The following LRMDA variants were observed in gnomAD, a reference collection of about 807,000 sequenced individuals.
The protein encoded by LRMDA is leucine-rich melanocyte differentiation-associated protein.
Under a neutral mutation model 29.8 loss-of-function variants are expected in LRMDA, and 18 were observed. That is an observed-to-expected ratio of 0.60 (90% CI 0.42 to 0.90). LRMDA has a LOEUF of 0.90. LRMDA is among the 40% of genes least tolerant of loss of function. The pLI is 0.00. For missense variants in LRMDA, 273 were observed against 273.9 expected (o/e 1.00, Z 0.02); for synonymous variants, 125 against 109.4 (o/e 1.14, Z -0.89).
chr10:75,911,725 A>G (rs1289980775), intron 2 of LRMDA, among the ~76,000 whole-genome samples: 2 of 152,156 alleles, frequency 1.3e-5, no homozygotes, highest in Admixed American at 6.5e-5. Context: ...GTGGCTATCT[A>G]CTGTGTCAGA....
At position 76,251,560 on chromosome 10, in the gene LRMDA, G is replaced by C. The variant is rs118014000; in HGVS notation, c.517-72841G>C. 2.7e-3 allele frequency among the ~76,000 whole-genome samples: 412 copies of C among 152,266 alleles called. 19 individuals are homozygous for C. In the East Asian group the frequency reaches 0.062, roughly 23 times the overall value. On this transcript the variant is annotated intron_variant, in intron 5 of 6. Transcript: ENST00000611255. ...AGCCACCGCGCCCGGCCCTCCCGTC[G>C]CTTCTAAGTATCATGTGGACATTTA...
intron 2 of LRMDA, among the ~76,000 whole-genome samples, chr10:75,999,725 C>T (rs1847530037): frequency 6.6e-6 from 1 of 152,142 alleles, no homozygotes; most frequent in Non-Finnish European, 1.5e-5. Flanking sequence ...AAATGTACAT[C>T]AACTACCAAA....
chr10:76,534,259 A>G (rs1843268441), intron 6 of LRMDA, among the ~76,000 whole-genome samples: 1 of 152,198 alleles, frequency 6.6e-6, no homozygotes, highest in Non-Finnish European at 1.5e-5. Context: ...TTGGGGTACC[A>G]AGCTAGACTT....
intron 2 of LRMDA, among the ~76,000 whole-genome samples, chr10:75,956,629 A>G (rs1240777207): frequency 1.3e-5 from 2 of 152,132 alleles, no homozygotes; most frequent in Non-Finnish European, 2.9e-5. Flanking sequence ...TGAGGTCATC[A>G]TGGGGCCCAG....
Position 75,827,699 on chromosome 10 carries a change from A to G in LRMDA, c.132-208309A>G, listed in dbSNP as rs551450006. 2.6e-5 allele frequency among the ~76,000 whole-genome samples: 4 copies of G among 152,350 alleles called. 1 individual carries two copies. Among genetic ancestry groups the G allele is most frequent in the African/African-American group, 9.6e-5 (4 of 41,584 alleles). ...AAGACTTGAGTTTGAGAACATTTAC[A>G]TCTGTTTTCAATAATTCCTCGCATA... is the stretch of plus-strand genomic sequence containing the variant. On this transcript the variant is annotated intron_variant, in intron 2 of 6. Transcript: ENST00000611255.
intron 2 of LRMDA, among the ~76,000 whole-genome samples, chr10:75,528,233 T>A (rs147501529): frequency 6.6e-6 from 1 of 152,328 alleles, no homozygotes; most frequent in Non-Finnish European, 1.5e-5. Context: ...TCTGAAAATA[T>A]CTCTGAAAGT....
chr10:75,491,937 A>G lies in LRMDA; in HGVS notation c.131+53443A>G, dbSNP rs562340656. Among the ~76,000 whole-genome samples, 25 of 152,350 alleles carry G rather than the reference A, an allele frequency of 1.6e-4. 1 individual carries two copies. Among genetic ancestry groups the G allele is most frequent in the African/African-American group, 6.0e-4 (25 of 41,588 alleles). The stretch of plus-strand genomic sequence containing the variant: ...TGACAAGCATAGGGTTGATATCCTT[A>G]CTATATAAACAGCTGTTACAAAAAA... On this transcript the variant is annotated intron_variant, in intron 2 of 6. Transcript: ENST00000611255.
intron 2 of LRMDA, among the ~76,000 whole-genome samples, chr10:75,586,344 CTT>C (rs748097971): frequency 3.4e-5 from 1 of 29,020 alleles, no homozygotes; most frequent in Non-Finnish European, 6.8e-5. Context: ...ACCAACACGT[CTT>C]TTTTTTTTTT....
intron 2 of LRMDA, among the ~76,000 whole-genome samples, chr10:75,890,069 G>T (rs1845458434): frequency 6.6e-6 from 1 of 152,150 alleles, no homozygotes; most frequent in Non-Finnish European, 1.5e-5. Flanking sequence ...CCCAGCTCAG[G>T]CCCAAGGACT....
rs368514356 is a variant in LRMDA at position 76,389,016 on chromosome 10, A to G, written c.601+64531A>G. On this transcript the variant is annotated intron_variant, in intron 6 of 6. Coordinates refer to ENST00000611255, the MANE Select transcript of LRMDA (RefSeq NM_001305581.2). ...TGCAGAAGACCTGCCTAACCCTGACACAGGACAGGGAGCAGGGAGTAGATA... is the reference window on the plus strand; with the variant it reads ...TGCAGAAGACCTGCCTAACCCTGACGCAGGACAGGGAGCAGGGAGTAGATA... Among the ~76,000 whole-genome samples the G allele has an allele frequency of 6.6e-5, 10 of 152,300 alleles. No homozygotes were observed. In the South Asian group the frequency reaches 1.9e-3, roughly 28 times the overall value.
At chr10:75,566,695 T>C (rs1449302631) in intron 2 of LRMDA, among the ~76,000 whole-genome samples, 1 of 152,132 alleles carries the variant, frequency 6.6e-6, no homozygotes. Context: ...TTCTGGCTGC[T>C]TTTTTTCTTA....
At chr10:75,717,231 G>A (rs1169024344) in intron 2 of LRMDA, among the ~76,000 whole-genome samples, 4 of 152,312 alleles carry the variant, frequency 2.6e-5, no homozygotes, top group East Asian at 1.9e-4. Flanking sequence ...CCAGGGGCAC[G>A]TTGAGAAGAT....
chr10:75,479,323 C>T (rs1053609818), intron 2 of LRMDA, among the ~76,000 whole-genome samples: 7 of 151,888 alleles, frequency 4.6e-5, no homozygotes, highest in Admixed American at 1.3e-4. Flanking sequence ...CTACATAACA[C>T]GGTGAAACCC....
At chr10:75,643,294 T>C (rs1841476855) in intron 2 of LRMDA, among the ~76,000 whole-genome samples, 1 of 152,198 alleles carries the variant, frequency 6.6e-6, no homozygotes, top group African/African-American at 2.4e-5. Flanking sequence ...TAAATTCATT[T>C]GTTAGCAGTA....
At chr10:76,371,669 G>A (rs1010559362) in intron 6 of LRMDA, among the ~76,000 whole-genome samples, 3 of 152,166 alleles carry the variant, frequency 2.0e-5, no homozygotes, top group African/African-American at 7.2e-5. Flanking sequence ...GCTACAGGGG[G>A]AGAAGTGGGC....
At chr10:75,659,622 G>A (rs1181576963) in intron 2 of LRMDA, among the ~76,000 whole-genome samples, 3 of 152,172 alleles carry the variant, frequency 2.0e-5, no homozygotes, top group African/African-American at 7.2e-5. Context: ...TAGAAATGTG[G>A]TCACCAGGGA....
At chr10:76,462,333 C>T (rs990121392) in intron 6 of LRMDA, among the ~76,000 whole-genome samples, 1 of 152,046 alleles carries the variant, frequency 6.6e-6, no homozygotes, top group African/African-American at 2.4e-5. Flanking sequence ...TCCATCTTCA[C>T]CTCAGTTTCT....
At chr10:76,048,672 C>T (rs1848481011) in intron 4 of LRMDA, among the ~76,000 whole-genome samples, 1 of 152,198 alleles carries the variant, frequency 6.6e-6, no homozygotes, top group African/African-American at 2.4e-5. Flanking sequence ...AATTACAACA[C>T]AACAGTCCAT....
At chr10:75,925,608 G>GATGGTGGCAGTGGTGGTGGTA (rs11267941) in intron 2 of LRMDA, among the ~76,000 whole-genome samples, 142,552 of 149,118 alleles carry the variant, frequency 0.96, 68,174 homozygotes, top group East Asian at 1. Flanking sequence ...GGAAGAAGGT[G>GATGGTGGCAGTGGTGGTGGTA]ATGGTGGCAG....
Sources: allele counts gnomAD v4.1 joint callset (sites outside exome capture counted in the v4.1 genomes callset), GRCh38; gene constraint gnomAD v4.1.1; transcripts MANE v1.5; gene names NCBI Gene and HGNC (gene_info 2026-07-23, HGNC 2026-07-21).